MAPKAP1: variants seen among roughly 807,000 people sequenced by gnomAD.
MAPKAP1 encodes MAPK associated protein 1.
MAPKAP1 carries 20 observed loss-of-function variants against 65.7 expected under a neutral mutation model. The ratio of observed to expected loss-of-function variants is 0.30; its 90% CI spans 0.21 to 0.44. The LOEUF is 0.44. Among genes scored for constraint, MAPKAP1 ranks in the 20% least tolerant of loss-of-function variants. MAPKAP1 has a pLI of 1.00. For synonymous variants in MAPKAP1, 222 were observed against 244.3 expected, an observed-to-expected ratio of 0.91 and a Z score of 0.85; for missense variants, 423 against 648.0, an observed-to-expected ratio of 0.65 and a Z score of 3.77.
intron 4 of MAPKAP1, among the ~76,000 whole-genome samples, chr9:125,625,261 A>ATT (rs777958310): frequency 7.4e-6 from 1 of 135,754 alleles, no homozygotes; most frequent in Non-Finnish European, 1.6e-5. Context: ...TAAATAAAAA[A>ATT]AAAAAAAAAA....
intron 4 of MAPKAP1, among the ~76,000 whole-genome samples, chr9:125,634,802 T>C (rs949638708): frequency 7.2e-5 from 11 of 152,234 alleles, no homozygotes; most frequent in African/African-American, 2.7e-4. Context: ...GCCTTTAAAC[T>C]ACTTTCACGA....
chr9:125,599,409 C>A (rs948637067), intron 4 of MAPKAP1, among the ~76,000 whole-genome samples: 1 of 152,090 alleles, frequency 6.6e-6, no homozygotes, highest in Non-Finnish European at 1.5e-5. Context: ...TTAGTGCTAA[C>A]CCTCATGAAA....
intron 4 of MAPKAP1, among the ~76,000 whole-genome samples, chr9:125,637,857 A>AT (rs1225521763): frequency 6.6e-6 from 1 of 152,154 alleles, no homozygotes; most frequent in Non-Finnish European, 1.5e-5. Flanking sequence ...ACTGCAGCCT[A>AT]TGCCTCCCAG....
intron 5 of MAPKAP1, 89 bp from the exon 6 acceptor site, chr9:125,559,898 G>A: frequency 1.5e-6 from 2 of 1,296,950 alleles, no homozygotes; most frequent in Non-Finnish European, 2.1e-6. Context: ...AGCAAATTGA[G>A]GAGACTGCTT....
At chr9:125,688,522 AT>A (rs1265746172) in intron 1 of MAPKAP1, among the ~76,000 whole-genome samples, 1 of 152,188 alleles carries the variant, frequency 6.6e-6, no homozygotes, top group Non-Finnish European at 1.5e-5. Context: ...TTATAATACT[AT>A]AATTAGGGTG....
intron 10 of MAPKAP1, 68 bp downstream of exon 10, chr9:125,467,904 C>A: frequency 1.3e-6 from 2 of 1,526,126 alleles, no homozygotes; most frequent in Non-Finnish European, 1.8e-6. Flanking sequence ...ATTCTCCTGG[C>A]ACCCAGCACA....
intron 9 of MAPKAP1, among the ~76,000 whole-genome samples, chr9:125,479,496 C>T (rs1281258480): frequency 6.6e-6 from 1 of 151,646 alleles, no homozygotes; most frequent in African/African-American, 2.4e-5. Flanking sequence ...AGAAGAATTG[C>T]TTGAACCCGG....
rs1564510809 is a variant in MAPKAP1 at position 125,439,026 on chromosome 9, C to T, written c.1444-14G>A. 2 of 1,612,214 alleles carry T rather than the reference C, an allele frequency of 1.2e-6. No individual in the cohort carries two copies. The highest frequency in any genetic ancestry group is 1.1e-5 in the South Asian group (1 of 90,872). On this transcript the variant is annotated splice_polypyrimidine_tract_variant and intron_variant, in intron 11 of 11. Transcript: ENST00000265960. The surrounding 1 kb of genome is among the most constrained non-coding windows in gnomAD (Gnocchi z 4.0). ...GATGTAGTTAACCTAGAAACAAGAG[C>T]ACACAGCCCGGTCACCTTGCCAGCC...
chr9:125,609,055 C>G (rs1029378167), intron 4 of MAPKAP1, among the ~76,000 whole-genome samples: 1 of 152,102 alleles, frequency 6.6e-6, no homozygotes, highest in African/African-American at 2.4e-5. Flanking sequence ...AGAAAAAAAC[C>G]TAAATGCTTA....
At chr9:125,503,552 G>GGTT (rs1829046489) in intron 8 of MAPKAP1, among the ~76,000 whole-genome samples, 2 of 152,144 alleles carry the variant, frequency 1.3e-5, no homozygotes, top group Admixed American at 1.3e-4. Flanking sequence ...TACTTAGTCT[G>GGTT]CCTTTACTAG....
chr9:125,585,695 G>T lies in MAPKAP1; in HGVS notation c.531C>A (p.Ile177=). The change falls in exon 5 of 12, where the codon ATC becomes ATA. Residue 177 remains isoleucine (I), a synonymous_variant. Coordinates refer to ENST00000265960, the MANE Select transcript of MAPKAP1 (RefSeq NM_001006617.3). Reference sequence around the variant, plus strand: ...TCGAGTGCAGAGGGAGGTAGACATCGATCTTCTTGGTTGCTGTTGTACCTA... The same window carrying T: ...TCGAGTGCAGAGGGAGGTAGACATCTATCTTCTTGGTTGCTGTTGTACCTA... ...GHVGTTATKK[I]DVYLPLHSSQ... 6.2e-7 allele frequency: 1 copy of T among 1,614,200 alleles called. No homozygotes were observed.
At chr9:125,640,405 A>T (rs1021833842) in intron 4 of MAPKAP1, among the ~76,000 whole-genome samples, 1 of 152,012 alleles carries the variant, frequency 6.6e-6, no homozygotes, top group Non-Finnish European at 1.5e-5. Flanking sequence ...GCCCGGCCAC[A>T]TTCTGTTTAT....
intron 4 of MAPKAP1, among the ~76,000 whole-genome samples, chr9:125,618,423 T>C (rs554025761): frequency 7.2e-6 from 1 of 139,254 alleles, no homozygotes; most frequent in Non-Finnish European, 1.5e-5. Flanking sequence ...GGGACTACAA[T>C]GAATCAAGGA....
At chr9:125,456,137 G>A (rs1245059274) in intron 10 of MAPKAP1, among the ~76,000 whole-genome samples, 4 of 129,340 alleles carry the variant, frequency 3.1e-5, no homozygotes, top group Admixed American at 7.7e-5. Context: ...GTTTCTCTAC[G>A]TAATATGTCT....
At chr9:125,485,041 G>A (rs998935162) in intron 8 of MAPKAP1, among the ~76,000 whole-genome samples, 7 of 152,234 alleles carry the variant, frequency 4.6e-5, no homozygotes, top group African/African-American at 1.7e-4. Flanking sequence ...GCGCCCCACA[G>A]CCTCCATGTG....
At chr9:125,530,173 T>A (rs1017052990) in intron 7 of MAPKAP1, among the ~76,000 whole-genome samples, 4 of 152,200 alleles carry the variant, frequency 2.6e-5, no homozygotes, top group African/African-American at 9.7e-5. Context: ...AGAAAGTAGC[T>A]AAAATCAGTC....
At chr9:125,486,261 A>T (rs1417654680) in intron 8 of MAPKAP1, among the ~76,000 whole-genome samples, 1 of 152,216 alleles carries the variant, frequency 6.6e-6, no homozygotes, top group East Asian at 1.9e-4. Context: ...AAGCAAAGTT[A>T]AACTATCTCT....
At chr9:125,647,636 T>C (rs1833766641) in intron 4 of MAPKAP1, among the ~76,000 whole-genome samples, 1 of 152,236 alleles carries the variant, frequency 6.6e-6, no homozygotes, top group East Asian at 1.9e-4. Context: ...GGCACGATCA[T>C]TCATGTAAAG....
chr9:125,707,154 C>G lies in MAPKAP1; in HGVS notation c.-253G>C, dbSNP rs561157897. The G allele has an allele frequency of 5.0e-6, 2 of 398,214 alleles. No individual in the cohort carries two copies. Among genetic ancestry groups the G allele is most frequent in the Non-Finnish European group, 8.9e-6 (2 of 225,776 alleles). 24.7% of individuals were successfully genotyped at this position (398,214 alleles called of 1,614,324 possible). On this transcript the variant is annotated 5_prime_UTR_variant, in exon 1 of 12. Coordinates refer to ENST00000265960, the MANE Select transcript of MAPKAP1 (RefSeq NM_001006617.3). ...CGGGTTAGCCCTCATGCCCCTGCTGCTCGCCGCCGCCGGCCGGCCGAGCAG... is the reference window on the plus strand; with the variant it reads ...CGGGTTAGCCCTCATGCCCCTGCTGGTCGCCGCCGCCGGCCGGCCGAGCAG...
Sources: gnomAD v4.1 joint callset for allele counts (sites outside exome capture counted in the v4.1 genomes callset) on GRCh38, gnomAD v4.1.1 for gene constraint, Gnocchi (gnomAD v3.1) non-coding constraint, MANE v1.5 for transcripts, NCBI Gene and HGNC (gene_info 2026-07-23, HGNC 2026-07-21) for gene names.